The following ZFHX3 variants were observed in gnomAD, a reference collection of about 807,000 sequenced individuals.
ZFHX3 encodes zinc finger homeobox 3.
In ZFHX3, 42 loss-of-function variants were observed where a neutral mutation model predicts 279.1. The ratio of observed to expected loss-of-function variants is 0.15; its 90% CI spans 0.12 to 0.19. ZFHX3 has a LOEUF of 0.19. ZFHX3 is among the 10% of genes least tolerant of loss of function. The probability of loss-of-function intolerance (pLI) is 1.00; values close to 1 mark genes in which losing one functional copy is unlikely to be tolerated. For synonymous variants in ZFHX3, 2,293 were observed against 1,957.8 expected (o/e 1.17, Z -4.52); for missense variants, 4,981 against 4,754.0 (o/e 1.05, Z -1.40).
chr16:73,681,163 G>A (rs895369178), intron 1 of ZFHX3, among the ~76,000 whole-genome samples: 1 of 152,190 alleles, frequency 6.6e-6, no homozygotes, highest in East Asian at 1.9e-4. Context: ...ATGGTTGCAT[G>A]CATAAGCATC....
chr16:73,036,619 GGAGGGGAGAGGGGCCGGCAGGAGA>G (rs1468462681), intron 1 of ZFHX3, among the ~76,000 whole-genome samples: 5 of 152,018 alleles, frequency 3.3e-5, no homozygotes, highest in Non-Finnish European at 7.4e-5. Context: ...TAGAGGAAGA[GGAGGGGAGAGGGGCCGGCAGGAGA>G]GAGGGAGGAG....
chr16:73,135,079 A>AC, intron 6 of ZFHX3, among the ~76,000 whole-genome samples: 1 of 152,196 alleles, frequency 6.6e-6, no homozygotes, highest in East Asian at 1.9e-4. Context: ...CTCTCTGAAT[A>AC]CCAATATATT....
Position 72,785,878 on chromosome 16 carries a change from A to C in ZFHX3, c.*1286T>G, listed in dbSNP as rs924860112. 1.3e-5 allele frequency: 2 copies of C among 152,252 alleles called. No individual in the cohort carries two copies. The highest frequency in any genetic ancestry group is 4.8e-5 in the African/African-American group (2 of 41,476). The allele number at this position is 152,252 out of a possible 1,614,324, so 9.4% of individuals were successfully genotyped here. On this transcript the variant is annotated 3_prime_UTR_variant, in exon 10 of 10. Transcript: ENST00000268489. The stretch of plus-strand genomic sequence containing the variant: ...ATAAATGCACAAAGCTAACAGACAC[A>C]GGTAACTAGAATTATATGCCTTTAA...
intron 3 of ZFHX3, among the ~76,000 whole-genome samples, chr16:73,342,956 T>C (rs576484155): frequency 3.9e-5 from 6 of 152,168 alleles, no homozygotes; most frequent in Non-Finnish European, 8.8e-5. Context: ...GTACCCTCAG[T>C]CTAAATACTA....
At chr16:73,471,576 G>A (rs183236536) in intron 2 of ZFHX3, among the ~76,000 whole-genome samples, 1 of 152,024 alleles carries the variant, frequency 6.6e-6, no homozygotes, top group Admixed American at 6.6e-5. Flanking sequence ...ACCTGGCCAT[G>A]AATCTCTTTC....
At chr16:73,381,288 C>A (rs990894660) in intron 3 of ZFHX3, among the ~76,000 whole-genome samples, 3 of 152,086 alleles carry the variant, frequency 2.0e-5, no homozygotes, top group African/African-American at 7.2e-5. Flanking sequence ...GTAACATTTT[C>A]ATTATTTTTG....
chr16:73,744,734 C>G (rs1402070576), intron 1 of ZFHX3, among the ~76,000 whole-genome samples: 1 of 152,158 alleles, frequency 6.6e-6, no homozygotes. Context: ...GATTCAAGAC[C>G]AGTCGATATT....
chr16:73,021,960 T>C (rs1964315308), intron 1 of ZFHX3, among the ~76,000 whole-genome samples: 1 of 151,524 alleles, frequency 6.6e-6, no homozygotes, highest in East Asian at 1.9e-4. Flanking sequence ...AGCTCCAAGC[T>C]AAGGAATGAG....
intron 1 of ZFHX3, among the ~76,000 whole-genome samples, chr16:73,866,668 A>G (rs1358971301): frequency 1.3e-5 from 2 of 152,230 alleles, no homozygotes; most frequent in Non-Finnish European, 2.9e-5. Flanking sequence ...CTTGGAGTTA[A>G]TTCTTCCTTT....
chr16:73,468,885 C>T (rs921484856), intron 2 of ZFHX3, among the ~76,000 whole-genome samples: 6 of 152,166 alleles, frequency 3.9e-5, no homozygotes, highest in Admixed American at 1.3e-4. Context: ...ACTTTATCAA[C>T]TGGCCTCTAC....
intron 4 of ZFHX3, among the ~76,000 whole-genome samples, chr16:72,884,719 A>G (rs769186058): frequency 6.6e-6 from 1 of 152,216 alleles, no homozygotes; most frequent in Non-Finnish European, 1.5e-5. Context: ...GAAGTTAACT[A>G]CAGTTTCACC....
chr16:73,374,691 T>C (rs1055165695), intron 3 of ZFHX3, among the ~76,000 whole-genome samples: 9 of 152,252 alleles, frequency 5.9e-5, no homozygotes, highest in Admixed American at 3.9e-4. Flanking sequence ...TAAGTCTCTT[T>C]AATCAATGTG....
At chr16:73,711,090 G>A (rs1032274760) in intron 1 of ZFHX3, among the ~76,000 whole-genome samples, 7 of 152,172 alleles carry the variant, frequency 4.6e-5, no homozygotes, top group African/African-American at 7.2e-5. Flanking sequence ...CAAAGAAGAC[G>A]AAAGAACACA....
intron 1 of ZFHX3, among the ~76,000 whole-genome samples, chr16:73,750,972 G>C (rs1446691412): frequency 6.6e-6 from 1 of 152,180 alleles, no homozygotes; most frequent in South Asian, 2.1e-4. Flanking sequence ...GGGGCCTAGA[G>C]GTCTACTGGC....
rs554870007 is a variant in ZFHX3, at chr16:73,416,505, C to T, written c.-1291+39498G>A. ...ACTTTAGGGGGAACATGGAAAAGTC[C>T]CTGTGAGGATACCACAGTCATAAAT... On this transcript the variant is annotated intron_variant, in intron 3 of 17. Transcript: ENST00000641206. 1.7e-4 allele frequency among the ~76,000 whole-genome samples: 26 copies of T among 152,186 alleles called. No homozygotes were observed. In the East Asian group the frequency reaches 4.3e-3, roughly 25 times the overall value.
intron 2 of ZFHX3, among the ~76,000 whole-genome samples, chr16:73,635,570 A>T (rs2052520385): frequency 6.6e-6 from 1 of 152,060 alleles, no homozygotes; most frequent in Admixed American, 6.5e-5. Flanking sequence ...ATCCCAGAAA[A>T]ATATTTCCTC....
intron 2 of ZFHX3, among the ~76,000 whole-genome samples, chr16:73,563,228 TTTTTG>T (rs1481958717): frequency 2.7e-5 from 4 of 147,058 alleles, no homozygotes; most frequent in African/African-American, 1.0e-4. Flanking sequence ...GTGTGTTTTG[TTTTTG>T]TTTTGTTTTT....
intron 5 of ZFHX3, among the ~76,000 whole-genome samples, chr16:73,157,353 G>A (rs1207316919): frequency 1.3e-5 from 2 of 150,978 alleles, no homozygotes; most frequent in East Asian, 3.9e-4. Flanking sequence ...CTTGTGTTGT[G>A]GAAACAATGG....
intron 8 of ZFHX3, 116 bp downstream of exon 8, chr16:72,799,911 G>T (rs1316599374): frequency 3.3e-6 from 3 of 901,194 alleles, no homozygotes; most frequent in African/African-American, 1.6e-5. Context: ...CTCATCTCCT[G>T]ATCAGTTACA....
Sources: gnomAD v4.1 joint callset for allele counts (sites outside exome capture counted in the v4.1 genomes callset) on GRCh38, gnomAD v4.1.1 for gene constraint, MANE v1.5 for transcripts, NCBI Gene and HGNC (gene_info 2026-07-23, HGNC 2026-07-21) for gene names.